The following CNTN5 variants were observed in gnomAD, a reference collection of about 807,000 sequenced individuals.
The protein encoded by CNTN5 is contactin-5.
CNTN5 carries 77 observed loss-of-function variants against 129.1 expected under a neutral mutation model. The observed-to-expected ratio is 0.60, with a 90% CI of 0.50 to 0.72. The LOEUF is 0.72. CNTN5 is among the 30% of genes least tolerant of loss of function. The pLI, the probability that CNTN5 is intolerant of heterozygous loss-of-function variation, is 0.00. For synonymous variants in CNTN5, 509 were observed against 465.6 expected (o/e 1.09, Z -1.20); for missense variants, 1,478 against 1,328.8 (o/e 1.11, Z -1.75).
chr11:99,066,258 C>A (rs1865099615), intron 1 of CNTN5, among the ~76,000 whole-genome samples: 1 of 151,996 alleles, frequency 6.6e-6, no homozygotes, highest in African/African-American at 2.4e-5. Context: ...TGTGTGGTAC[C>A]ACGCCCAGCT....
intron 7 of CNTN5, among the ~76,000 whole-genome samples, chr11:99,938,741 C>T (rs1950370143): frequency 6.6e-6 from 1 of 152,030 alleles, no homozygotes; most frequent in Non-Finnish European, 1.5e-5. Context: ...ACATACTTTA[C>T]TTAAATCATT....
intron 1 of CNTN5, among the ~76,000 whole-genome samples, chr11:99,248,625 G>T (rs1360342713): frequency 6.6e-6 from 1 of 152,108 alleles, no homozygotes; most frequent in African/African-American, 2.4e-5. Context: ...AATCCATCTT[G>T]AATTAATTTT....
chr11:99,425,673 A>C (rs1171344311), intron 2 of CNTN5, among the ~76,000 whole-genome samples: 1 of 152,244 alleles, frequency 6.6e-6, no homozygotes, highest in Non-Finnish European at 1.5e-5. Context: ...GACACTTAGG[A>C]GCTTTCAAGG....
intron 6 of CNTN5, among the ~76,000 whole-genome samples, chr11:99,903,291 G>T (rs940520979): frequency 1.3e-5 from 2 of 151,500 alleles, no homozygotes; most frequent in African/African-American, 4.8e-5. Flanking sequence ...TTTTACTTTG[G>T]TTATGGTATA....
intron 1 of CNTN5, among the ~76,000 whole-genome samples, chr11:99,093,960 G>T (rs1866363213): frequency 6.6e-6 from 1 of 151,802 alleles, no homozygotes; most frequent in Non-Finnish European, 1.5e-5. Context: ...TGAGGCATTT[G>T]GAAATAACAT....
chr11:99,596,864 G>C (rs991704139), intron 3 of CNTN5, among the ~76,000 whole-genome samples: 1 of 152,058 alleles, frequency 6.6e-6, no homozygotes, highest in African/African-American at 2.4e-5. Context: ...AAATTATATT[G>C]GGTTGAAATA....
intron 2 of CNTN5, among the ~76,000 whole-genome samples, chr11:99,402,574 A>G (rs1425083815): frequency 2.6e-5 from 4 of 152,172 alleles, no homozygotes; most frequent in Non-Finnish European, 4.4e-5. Flanking sequence ...TGATATCAGG[A>G]TAATACTGAC....
intron 3 of CNTN5, among the ~76,000 whole-genome samples, chr11:99,685,470 C>T (rs915153123): frequency 1.3e-5 from 2 of 151,840 alleles, no homozygotes; most frequent in African/African-American, 4.8e-5. Context: ...AAATATTCCA[C>T]TGTTGTTGTC....
intron 3 of CNTN5, among the ~76,000 whole-genome samples, chr11:99,625,076 ATAAT>A (rs1247980532): frequency 6.6e-6 from 1 of 152,180 alleles, no homozygotes; most frequent in Non-Finnish European, 1.5e-5. Context: ...AGAAGAGTAA[ATAAT>A]TGTTCCAGAA....
intron 1 of CNTN5, among the ~76,000 whole-genome samples, chr11:99,298,158 T>C (rs1007490331): frequency 1.3e-5 from 2 of 152,168 alleles, no homozygotes; most frequent in Non-Finnish European, 2.9e-5. Flanking sequence ...GCTCCACTTC[T>C]GGTACCATCT....
intron 3 of CNTN5, among the ~76,000 whole-genome samples, chr11:99,683,516 T>TCATA (rs1953651703): frequency 6.6e-6 from 1 of 151,934 alleles, no homozygotes; most frequent in African/African-American, 2.4e-5. Flanking sequence ...TGTGCCAATA[T>TCATA]CATACTGCCT....
At chr11:99,347,360 A>G (rs1365308117) in intron 2 of CNTN5, among the ~76,000 whole-genome samples, 1 of 152,234 alleles carries the variant, frequency 6.6e-6, no homozygotes, top group Non-Finnish European at 1.5e-5. Flanking sequence ...ACTTCCAAAC[A>G]AAGAAAATAA....
At chr11:100,274,179 T>C (rs1469672616) in intron 18 of CNTN5, among the ~76,000 whole-genome samples, 2 of 152,152 alleles carry the variant, frequency 1.3e-5, no homozygotes, top group Non-Finnish European at 2.9e-5. Flanking sequence ...ATGCAGAAGA[T>C]TGAAACTGGA....
chr11:99,795,795 C>A (rs746067609), intron 3 of CNTN5, among the ~76,000 whole-genome samples: 6 of 151,998 alleles, frequency 3.9e-5, no homozygotes, highest in Non-Finnish European at 8.8e-5. Context: ...CATGTTGTAA[C>A]CCTGAGAGCA....
intron 3 of CNTN5, among the ~76,000 whole-genome samples, chr11:99,714,437 G>T (rs530457725): frequency 6.6e-6 from 1 of 152,020 alleles, no homozygotes; most frequent in South Asian, 2.1e-4. Flanking sequence ...ATCTCATGCT[G>T]TGTATTACAA....
At chr11:100,206,372 T>A (rs1948912531) in intron 15 of CNTN5, among the ~76,000 whole-genome samples, 1 of 152,118 alleles carries the variant, frequency 6.6e-6, no homozygotes. Flanking sequence ...ATAGTAATTC[T>A]GTATTAAAGA....
chr11:99,525,275 C>A (rs1043080190), intron 2 of CNTN5, among the ~76,000 whole-genome samples: 10 of 151,962 alleles, frequency 6.6e-5, no homozygotes, highest in Non-Finnish European at 1.5e-4. Flanking sequence ...CTTTGTGGAT[C>A]AACTTATAAT....
At chr11:99,230,271 A>C (rs145029976) in intron 1 of CNTN5, among the ~76,000 whole-genome samples, 17 of 152,240 alleles carry the variant, frequency 1.1e-4, no homozygotes, top group African/African-American at 3.9e-4. Context: ...TATAACAACA[A>C]AAATGACGAA....
chr11:99,427,999 CTT>C (rs1943207135), intron 2 of CNTN5, among the ~76,000 whole-genome samples: 1 of 151,860 alleles, frequency 6.6e-6, no homozygotes, highest in African/African-American at 2.4e-5. Context: ...CTTATTAAGA[CTT>C]ATAGAAATTT....
Sources: allele counts gnomAD v4.1 joint callset (sites outside exome capture counted in the v4.1 genomes callset), GRCh38; gene constraint gnomAD v4.1.1; transcripts MANE v1.5; gene names NCBI Gene and HGNC (gene_info 2026-07-23, HGNC 2026-07-21).